Variants in LYPLA1 observed in about 807,000 individuals in gnomAD.
LYPLA1 encodes lysophospholipase 1, also known as acyl-protein thioesterase 1.
A neutral mutation model predicts 34.0 loss-of-function variants in LYPLA1; 17 were observed. That is an observed-to-expected ratio of 0.50 (90% confidence interval 0.34 to 0.75). LYPLA1 has a LOEUF of 0.75. LYPLA1 is among the 30% of genes least tolerant of loss of function. The probability of loss-of-function intolerance (pLI) is 0.01; values close to 1 mark genes in which losing one functional copy is unlikely to be tolerated. For missense variants in LYPLA1, 203 were observed against 288.8 expected (o/e 0.70, Z 2.15); for synonymous variants, 98 against 100.8 (o/e 0.97, Z 0.17).
At chr8:54,061,440 A>C (rs186314603) in intron 5 of LYPLA1, among the ~76,000 whole-genome samples, 102 of 152,312 alleles carry the variant, frequency 6.7e-4, no homozygotes, top group Non-Finnish European at 1.1e-3. Context: ...ATCAAAGAAA[A>C]ATTATTATAC....
chr8:54,087,696 C>T lies in LYPLA1; in HGVS notation c.101+13212G>A, dbSNP rs115006894. On this transcript the variant is annotated intron_variant, in intron 2 of 8. Transcript: ENST00000316963. Reference sequence around the variant, plus strand: ...CAAAAAGGCAACCCAATTTTTAAAACGGCAAAGGATCTGAACAGATATTTC... The same window carrying T: ...CAAAAAGGCAACCCAATTTTTAAAATGGCAAAGGATCTGAACAGATATTTC... 4.9e-3 allele frequency among the ~76,000 whole-genome samples: 748 copies of T among 152,254 alleles called. 3 individuals carry two copies. Among genetic ancestry groups the T allele is most frequent in the African/African-American group, 0.016 (659 of 41,536 alleles).
intron 2 of LYPLA1, among the ~76,000 whole-genome samples, chr8:54,089,501 G>GT (rs1586169793): frequency 1.4e-5 from 2 of 138,586 alleles, no homozygotes; most frequent in African/African-American, 3.3e-5. Flanking sequence ...CTGGGGGGGG[G>GT]CGGGATCTTT....
At chr8:54,078,263 TTAAGATC>T (rs111586936) in intron 2 of LYPLA1, among the ~76,000 whole-genome samples, 3,960 of 152,238 alleles carry the variant, frequency 0.026, 69 homozygotes, top group African/African-American at 0.047. Flanking sequence ...GGCTGAACAT[TTAAGATC>T]TGAATACTTG....
chr8:54,091,581 A>AAAGGAAGGAAGGAAGG (rs200125817), intron 2 of LYPLA1, among the ~76,000 whole-genome samples: 22 of 142,382 alleles, frequency 1.5e-4, no homozygotes, highest in East Asian at 8.2e-4. Context: ...GAAAGAAAGA[A>AAAGGAAGGAAGGAAGG]AAGGAAGGAA....
chr8:54,060,527 AAC>A (rs746365889), intron 5 of LYPLA1, among the ~76,000 whole-genome samples: 20 of 152,138 alleles, frequency 1.3e-4, no homozygotes, highest in Non-Finnish European at 2.5e-4. Context: ...ATGGACTCCT[AAC>A]CAGAGACCAG....
At chr8:54,099,734 A>G (rs1809967855) in intron 2 of LYPLA1, among the ~76,000 whole-genome samples, 1 of 151,028 alleles carries the variant, frequency 6.6e-6, no homozygotes, top group Non-Finnish European at 1.5e-5. Context: ...CCCAGGCTGG[A>G]GTGCAGTCGT....
chr8:54,079,800 GAAATAAATAAAT>G (rs569962405), intron 2 of LYPLA1, among the ~76,000 whole-genome samples: 1 of 151,308 alleles, frequency 6.6e-6, no homozygotes, highest in Admixed American at 6.6e-5. Flanking sequence ...GTTTCCCCCT[GAAATAAATAAAT>G]AAATAAATAA....
intron 2 of LYPLA1, among the ~76,000 whole-genome samples, chr8:54,092,030 A>G (rs1431231667): frequency 6.6e-6 from 1 of 151,934 alleles, no homozygotes; most frequent in Admixed American, 6.6e-5. Flanking sequence ...TGTTCACGCC[A>G]CTGCACTCCA....
rs1806814898 is a variant in LYPLA1, at chr8:54,063,504, CTGTTTTA to C, written c.168-136_168-130del. 4.4e-6 allele frequency: 3 copies of C among 677,234 alleles called. No individual in the cohort carries two copies. The African/African-American group carries it at 5.6e-5, about 13-fold the overall frequency. 42.0% of individuals were successfully genotyped at this position (677,234 alleles called of 1,614,324 possible). ...ATATGCTACAGTTTTAACATATGAA[CTGTTTTA>C]TTTCATCCACACCTGTACAACTCTG... On this transcript the variant is annotated intron_variant, in intron 3 of 8. Transcript: ENST00000316963.
chr8:54,044,898 T>A (rs546313610), downstream of LYPLA1: 1 of 152,256 alleles, frequency 6.6e-6, no homozygotes, highest in Non-Finnish European at 1.5e-5. Context: ...CACTGGAGAT[T>A]GTACTTTATG....
intron 5 of LYPLA1, among the ~76,000 whole-genome samples, chr8:54,060,910 G>A (rs1237811835): frequency 3.3e-5 from 5 of 151,622 alleles, no homozygotes; most frequent in African/African-American, 1.2e-4. Flanking sequence ...GGCCAGGCTG[G>A]TCTCAAACTC....
chr8:54,073,452 T>C, intron 2 of LYPLA1: 2 of 771,910 alleles, frequency 2.6e-6, no homozygotes, highest in South Asian at 1.3e-5. Flanking sequence ...TCTACCTGGC[T>C]GTGATGGCCT....
chr8:54,100,775 C>T, intron 2 of LYPLA1, 133 bp downstream of exon 2: 1 of 710,208 alleles, frequency 1.4e-6, no homozygotes, highest in Non-Finnish European at 2.5e-6. Flanking sequence ...AAAATCACCG[C>T]ACTGTAAGAT....
intron 2 of LYPLA1, among the ~76,000 whole-genome samples, chr8:54,082,198 G>T (rs1164402034): frequency 1.3e-5 from 2 of 152,110 alleles, no homozygotes; most frequent in East Asian, 3.8e-4. Flanking sequence ...GTCAAAATGT[G>T]GAAGAGAAGG....
chr8:54,044,722 C>G (rs1805439388), downstream of LYPLA1: 1 of 152,010 alleles, frequency 6.6e-6, no homozygotes, highest in Admixed American at 6.6e-5. Context: ...TCACTTGAGC[C>G]AAGGAGTTCG....
intron 5 of LYPLA1, among the ~76,000 whole-genome samples, chr8:54,055,645 A>ATTT (rs201781407): frequency 1.1e-4 from 16 of 142,242 alleles, no homozygotes; most frequent in African/African-American, 4.1e-4. Flanking sequence ...AATCCTAATT[A>ATTT]TTTTTTTTTT....
chr8:54,080,066 G>A (rs1410205952), intron 2 of LYPLA1, among the ~76,000 whole-genome samples: 1 of 151,976 alleles, frequency 6.6e-6, no homozygotes, highest in Non-Finnish European at 1.5e-5. Context: ...GGACTACACA[G>A]CCACTTAAAA....
chr8:54,073,329 T>C (rs957384881), intron 2 of LYPLA1: 2 of 858,942 alleles, frequency 2.3e-6, no homozygotes, highest in Non-Finnish European at 2.0e-6. Context: ...ACTGTGAGCA[T>C]GATGTGTGCA....
intron 2 of LYPLA1, chr8:54,073,002 T>C: frequency 2.5e-6 from 1 of 398,854 alleles, no homozygotes; most frequent in South Asian, 2.4e-5. Flanking sequence ...AGATCATTAA[T>C]GATTAGAGAA....
Sources: allele counts gnomAD v4.1 joint callset (sites outside exome capture counted in the v4.1 genomes callset), GRCh38; gene constraint gnomAD v4.1.1; transcripts MANE v1.5; gene names NCBI Gene and HGNC (gene_info 2026-07-23, HGNC 2026-07-21).